SCCPDH: variants seen among roughly 807,000 people sequenced by gnomAD.
SCCPDH encodes the protein saccharopine dehydrogenase (putative), also known as saccharopine dehydrogenase-like oxidoreductase.
Under a neutral mutation model 51.5 loss-of-function variants are expected in SCCPDH, and 34 were observed. That is an observed-to-expected ratio of 0.66 (90% CI 0.50 to 0.88). The LOEUF (loss-of-function observed/expected upper bound fraction) is 0.88. SCCPDH is among the 40% of genes least tolerant of loss of function. The pLI is 0.00. For synonymous variants in SCCPDH, 187 were observed against 191.3 expected (o/e 0.98, Z 0.19); for missense variants, 464 against 527.1 (o/e 0.88, Z 1.17).
chr1:246,761,355 G>A (rs1458091717), intron 9 of SCCPDH, among the ~76,000 whole-genome samples: 3 of 152,200 alleles, frequency 2.0e-5, no homozygotes, highest in Non-Finnish European at 1.5e-5. Flanking sequence ...GATTACAGGC[G>A]TGAGCCACTG....
At chr1:246,732,914 G>T (rs1668513502) in intron 2 of SCCPDH, among the ~76,000 whole-genome samples, 1 of 152,138 alleles carries the variant, frequency 6.6e-6, no homozygotes, top group African/African-American at 2.4e-5. Context: ...CACACAGCTA[G>T]TGGCTGCAGA....
rs527458883 is a variant in SCCPDH, at chr1:246,729,895, C to T, written c.303+2891C>T. On this transcript the variant is annotated intron_variant, in intron 2 of 11. Coordinates refer to ENST00000366510, the MANE Select transcript of SCCPDH (RefSeq NM_016002.3). Reference sequence around the variant, plus strand: ...ATCTTCACAGTTTATGTTCTTCTGCCGTGGCTTCAGCTGGTCCCTCTGTTC... The same window carrying T: ...ATCTTCACAGTTTATGTTCTTCTGCTGTGGCTTCAGCTGGTCCCTCTGTTC... Among the ~76,000 whole-genome samples the T allele has an allele frequency of 5.9e-5, 9 of 152,262 alleles. No individual in the cohort carries two copies. In the East Asian group the frequency reaches 7.7e-4, roughly 13 times the overall value.
chr1:246,724,670 G>T (rs1026156999), intron 1 of SCCPDH, 58 bp downstream of exon 1: 1 of 1,376,392 alleles, frequency 7.3e-7, no homozygotes, highest in African/African-American at 1.5e-5. Flanking sequence ...ACCCCGCATC[G>T]CCCCAAACGA....
intron 2 of SCCPDH, among the ~76,000 whole-genome samples, chr1:246,731,110 G>T (rs375426871): frequency 3.3e-5 from 5 of 152,266 alleles, no homozygotes; most frequent in African/African-American, 9.6e-5. Context: ...TTGCGGTTCT[G>T]ACCTTTGAGC....
At chr1:246,753,978 G>A (rs1213856534) in intron 5 of SCCPDH, among the ~76,000 whole-genome samples, 1 of 151,932 alleles carries the variant, frequency 6.6e-6, no homozygotes, top group Non-Finnish European at 1.5e-5. Context: ...GGGCACTCAA[G>A]GGGAATATCC....
chr1:246,758,880 C>G (rs1668971704), intron 6 of SCCPDH, among the ~76,000 whole-genome samples, 154 bp from the exon 7 acceptor site: 1 of 151,944 alleles, frequency 6.6e-6, no homozygotes, highest in South Asian at 2.1e-4. Context: ...TCTCAAAGTC[C>G]TGGCCTTAAG....
At chr1:246,727,076 A>G (rs1391163931) in intron 2 of SCCPDH, 72 bp downstream of exon 2, 3 of 1,198,728 alleles carry the variant, frequency 2.5e-6, no homozygotes, top group Admixed American at 3.6e-5. Context: ...CCAGAGGAAC[A>G]TAAGGACAGA....
intron 5 of SCCPDH, among the ~76,000 whole-genome samples, chr1:246,754,495 T>A (rs3007326): frequency 0.98 from 149,187 of 152,352 alleles, 73,118 homozygotes; most frequent in East Asian, 1. Context: ...TTTTTTCAAC[T>A]AGGCTGTAGC....
At chr1:246,743,160 C>T (rs917089973) in intron 4 of SCCPDH, among the ~76,000 whole-genome samples, 5 of 151,454 alleles carry the variant, frequency 3.3e-5, no homozygotes, top group Admixed American at 6.6e-5. Context: ...AGTGCAGTGG[C>T]GTGATCATGG....
intron 7 of SCCPDH, 53 bp downstream of exon 7, chr1:246,759,204 C>G: frequency 1.0e-6 from 1 of 980,386 alleles, no homozygotes; most frequent in Non-Finnish European, 1.6e-6. Context: ...GTTCCTCTTT[C>G]TATTCAGTGT....
chr1:246,724,988 A>G (rs956043312), intron 1 of SCCPDH, among the ~76,000 whole-genome samples: 2 of 151,870 alleles, frequency 1.3e-5, no homozygotes, highest in Non-Finnish European at 2.9e-5. Flanking sequence ...GCGGGTTTCT[A>G]GATGTTTGGT....
chr1:246,759,291 C>T, intron 7 of SCCPDH, 140 bp downstream of exon 7: 1 of 610,402 alleles, frequency 1.6e-6, no homozygotes, highest in Non-Finnish European at 2.9e-6. Context: ...TACACAGAAT[C>T]ATTAGGGTAG....
chr1:246,745,157 TTTGGGAACGTAAGACATTGACG>T (rs1401439568), intron 5 of SCCPDH, among the ~76,000 whole-genome samples: 347 of 152,244 alleles, frequency 2.3e-3, no homozygotes, highest in Non-Finnish European at 3.8e-3. Context: ...CTACAGTGCA[TTTGGGAACGTAAGACATTGACG>T]TTGGGAACGT....
At chr1:246,747,473 G>A (rs1039508367) in intron 5 of SCCPDH, among the ~76,000 whole-genome samples, 5 of 152,332 alleles carry the variant, frequency 3.3e-5, no homozygotes, top group South Asian at 2.1e-4. Context: ...GTCACCTGAG[G>A]TCAGGAGTTT....
chr1:246,747,667 C>T (rs1187936751), intron 5 of SCCPDH, among the ~76,000 whole-genome samples: 1 of 151,270 alleles, frequency 6.6e-6, no homozygotes, highest in Non-Finnish European at 1.5e-5. Flanking sequence ...CAGGTAGCCC[C>T]TACTGCTGTG....
intron 9 of SCCPDH, among the ~76,000 whole-genome samples, chr1:246,761,536 C>T (rs957418616): frequency 6.6e-6 from 1 of 152,216 alleles, no homozygotes; most frequent in African/African-American, 2.4e-5. Flanking sequence ...AAACTCTACA[C>T]CCGTGAAACA....
intron 2 of SCCPDH, among the ~76,000 whole-genome samples, chr1:246,728,721 C>T (rs1223150561): frequency 6.6e-6 from 1 of 152,024 alleles, no homozygotes; most frequent in Non-Finnish European, 1.5e-5. Context: ...TGGTTAATAA[C>T]AGAATTTCTT....
intron 2 of SCCPDH, among the ~76,000 whole-genome samples, chr1:246,728,344 G>A (rs1668434122): frequency 6.6e-6 from 1 of 152,124 alleles, no homozygotes; most frequent in Non-Finnish European, 1.5e-5. Context: ...CCATCCATGA[G>A]GTCCACTGCT....
At chr1:246,746,559 G>A (rs1294659912) in intron 5 of SCCPDH, among the ~76,000 whole-genome samples, 1 of 152,158 alleles carries the variant, frequency 6.6e-6, no homozygotes, top group African/African-American at 2.4e-5. Context: ...AAAAAGAAGT[G>A]GCTAGGCGCA....
Sources: gnomAD v4.1 joint callset for allele counts (sites outside exome capture counted in the v4.1 genomes callset) on GRCh38, gnomAD v4.1.1 for gene constraint, MANE v1.5 for transcripts, NCBI Gene and HGNC (gene_info 2026-07-23, HGNC 2026-07-21) for gene names.